CSMD1: variants seen among roughly 807,000 people sequenced by gnomAD.
The protein encoded by CSMD1 is CUB and sushi domain-containing protein 1.
Under a neutral mutation model 417.5 loss-of-function variants are expected in CSMD1, and 213 were observed. That is an observed-to-expected ratio of 0.51 (90% confidence interval 0.46 to 0.57). The LOEUF is 0.57. Among genes scored for constraint, CSMD1 ranks in the 20% least tolerant of loss-of-function variants. The probability of loss-of-function intolerance (pLI) is 0.00; values close to 1 mark genes in which losing one functional copy is unlikely to be tolerated. For synonymous variants in CSMD1, 2,862 were observed against 1,736.8 expected (o/e 1.65, Z -16.11); for missense variants, 6,923 against 4,529.7 (o/e 1.53, Z -15.17).
rs186227258 is a variant in CSMD1, at chr8:3,685,837, C to T, written c.1009+22577G>A. ...GAGATGTTTTGACACAGGCATGCGA[C>T]GTAAAATAATCACATCATGGAGAAT... On this transcript the variant is annotated intron_variant, in intron 7 of 69. Transcript: ENST00000635120. 1.5e-3 allele frequency among the ~76,000 whole-genome samples: 228 copies of T among 152,126 alleles called. 1 individual carries two copies. Among genetic ancestry groups the T allele is most frequent in the Admixed American group, 8.9e-3 (136 of 15,282 alleles).
intron 3 of CSMD1, among the ~76,000 whole-genome samples, chr8:4,067,844 C>T (rs1964312): frequency 0.093 from 14,073 of 152,078 alleles, 1,230 homozygotes; most frequent in East Asian, 0.27. Flanking sequence ...TTTGGGAGGC[C>T]GAGGTGGGCG....
intron 3 of CSMD1, among the ~76,000 whole-genome samples, chr8:4,287,856 C>T (rs921066529): frequency 1.2e-4 from 18 of 151,966 alleles, no homozygotes; most frequent in Admixed American, 3.9e-4. Flanking sequence ...CTCCCCTGTT[C>T]CTAGGTGAAA....
chr8:4,090,145 T>C (rs1242811285), intron 3 of CSMD1, among the ~76,000 whole-genome samples: 2 of 152,186 alleles, frequency 1.3e-5, no homozygotes, highest in Non-Finnish European at 2.9e-5. Flanking sequence ...TAGAATACAG[T>C]CTTAATTGGC....
chr8:3,248,950 C>T (rs989316096), intron 26 of CSMD1, among the ~76,000 whole-genome samples: 2 of 151,968 alleles, frequency 1.3e-5, no homozygotes, highest in African/African-American at 4.8e-5. Flanking sequence ...AATTGTTCCC[C>T]GCACTCCACC....
At chr8:3,755,076 T>A (rs1797580601) in intron 5 of CSMD1, among the ~76,000 whole-genome samples, 1 of 152,240 alleles carries the variant, frequency 6.6e-6, no homozygotes. Context: ...GTGTTTTATT[T>A]CTCACTATTG....
intron 3 of CSMD1, among the ~76,000 whole-genome samples, chr8:4,201,136 C>G (rs1392140721): frequency 6.6e-6 from 1 of 152,220 alleles, no homozygotes; most frequent in African/African-American, 2.4e-5. Flanking sequence ...ATTACAGATA[C>G]CTTTGTAGAA....
rs910242534 is a variant in CSMD1, at chr8:3,928,667, G to C, written c.818+69236C>G. On this transcript the variant is annotated intron_variant, in intron 5 of 69. Transcript: ENST00000635120. ...TGACAATAAAAATGGTTTAAAGAAG[G>C]TATAGATTTTTTTTTAAATTGCTCC... Among the ~76,000 whole-genome samples the C allele has an allele frequency of 5.6e-5, 8 of 142,828 alleles. 1 individual carries two copies. Among genetic ancestry groups the C allele is most frequent in the Admixed American group, 6.7e-5 (1 of 15,004 alleles). 93.7% of individuals were successfully genotyped at this position (142,828 alleles called of 152,430 possible).
chr8:2,960,288 T>G (rs535463094), intron 62 of CSMD1, among the ~76,000 whole-genome samples: 4 of 152,228 alleles, frequency 2.6e-5, no homozygotes, highest in Non-Finnish European at 5.9e-5. Context: ...CTGTAAGGAC[T>G]TCCCCTGTGG....
intron 3 of CSMD1, among the ~76,000 whole-genome samples, chr8:4,035,229 C>T (rs1329077089): frequency 2.6e-5 from 4 of 152,080 alleles, no homozygotes; most frequent in South Asian, 4.2e-4. Flanking sequence ...TCTGTGGTGA[C>T]GCCGGTGTGA....
intron 12 of CSMD1, among the ~76,000 whole-genome samples, chr8:3,441,444 T>C (rs1814979021): frequency 6.6e-6 from 1 of 151,776 alleles, no homozygotes; most frequent in Non-Finnish European, 1.5e-5. Context: ...TTGAACAGTC[T>C]TTCATTCCTA....
chr8:3,091,779 T>C (rs1814967424), intron 47 of CSMD1, 117 bp from the exon 48 acceptor site: 3 of 808,242 alleles, frequency 3.7e-6, no homozygotes, highest in Non-Finnish European at 3.7e-6. Flanking sequence ...GATATAATTA[T>C]TACAAAAGTG....
intron 2 of CSMD1, among the ~76,000 whole-genome samples, chr8:4,425,852 G>A (rs73512744): frequency 6.6e-6 from 1 of 151,876 alleles, no homozygotes; most frequent in Non-Finnish European, 1.5e-5. Flanking sequence ...TATATGCAAC[G>A]TTACTGATAA....
At chr8:3,485,728 A>G (rs1012536842) in intron 11 of CSMD1, among the ~76,000 whole-genome samples, 2 of 151,226 alleles carry the variant, frequency 1.3e-5, no homozygotes, top group African/African-American at 4.9e-5. Context: ...CCACTGCACT[A>G]CAGCCTGGGT....
chr8:3,526,306 G>C (rs532664674), intron 10 of CSMD1, among the ~76,000 whole-genome samples: 1 of 149,568 alleles, frequency 6.7e-6, no homozygotes, highest in African/African-American at 2.5e-5. Flanking sequence ...TATAGGCAAT[G>C]TTTAAAATAT....
chr8:4,122,562 A>T (rs1049182602), intron 3 of CSMD1, among the ~76,000 whole-genome samples: 21 of 152,180 alleles, frequency 1.4e-4, no homozygotes, highest in African/African-American at 5.1e-4. Flanking sequence ...GTGCTTTCCC[A>T]ATGTTTGGAG....
intron 37 of CSMD1, among the ~76,000 whole-genome samples, chr8:3,180,152 T>C (rs974236921): frequency 1.3e-5 from 2 of 152,240 alleles, no homozygotes; most frequent in African/African-American, 2.4e-5. Context: ...AAATAAACCT[T>C]ACTCTCATTG....
intron 10 of CSMD1, among the ~76,000 whole-genome samples, chr8:3,552,780 T>C (rs914955141): frequency 2.0e-5 from 3 of 152,222 alleles, no homozygotes; most frequent in African/African-American, 7.2e-5. Flanking sequence ...AGTTCTGCTT[T>C]TTAATACAGA....
chr8:4,686,549 C>T (rs1046565487), intron 1 of CSMD1, among the ~76,000 whole-genome samples: 2 of 152,250 alleles, frequency 1.3e-5, no homozygotes, highest in African/African-American at 4.8e-5. Context: ...GCCCCTGCTA[C>T]ATCCCTGCTG....
intron 2 of CSMD1, among the ~76,000 whole-genome samples, chr8:4,623,480 G>A (rs1801898454): frequency 6.6e-6 from 1 of 152,026 alleles, no homozygotes; most frequent in African/African-American, 2.4e-5. Flanking sequence ...ACTCTTGAAT[G>A]TTTGACCACA....
Sources: gnomAD v4.1 joint callset for allele counts (sites outside exome capture counted in the v4.1 genomes callset) on GRCh38, gnomAD v4.1.1 for gene constraint, MANE v1.5 for transcripts, NCBI Gene and HGNC (gene_info 2026-07-23, HGNC 2026-07-21) for gene names.